The following KSR2 variants were observed in gnomAD, a reference collection of about 807,000 sequenced individuals.
The protein encoded by KSR2 is kinase suppressor of ras 2.
In KSR2, 25 loss-of-function variants were observed where a neutral mutation model predicts 107.8. The ratio of observed to expected loss-of-function variants is 0.23; its 90% CI spans 0.17 to 0.32. The LOEUF is 0.32. KSR2 is among the 10% of genes least tolerant of loss of function. The pLI is 1.00. For synonymous variants in KSR2, 480 were observed against 507.0 expected (o/e 0.95, Z 0.71); for missense variants, 887 against 1,268.9 (o/e 0.70, Z 4.57).
At chr12:117,553,822 C>T (rs542484423) in intron 9 of KSR2, among the ~76,000 whole-genome samples, 1 of 151,638 alleles carries the variant, frequency 6.6e-6, no homozygotes, top group African/African-American at 2.4e-5. Context: ...CTTCCTTCCC[C>T]TCCTCTCCCC....
At chr12:117,790,697 G>C (rs1890224073) in intron 3 of KSR2, among the ~76,000 whole-genome samples, 1 of 152,164 alleles carries the variant, frequency 6.6e-6, no homozygotes, top group African/African-American at 2.4e-5. Flanking sequence ...TTGCCAGCTT[G>C]ACTTTTGCCT....
Position 117,476,453 on chromosome 12 carries a change from G to A in KSR2, c.2582+11C>T. ...CTGTGGCTCTCAATGGCCAGGGCAG[G>A]GCCCACTTACCCAAGGGCAAAGACG... On this transcript the variant is annotated intron_variant, in intron 17 of 19. Coordinates refer to ENST00000339824, the MANE Select transcript of KSR2 (RefSeq NM_173598.6). 2 of 1,588,990 alleles carry A rather than the reference G, an allele frequency of 1.3e-6. No individual in the cohort carries two copies. Among genetic ancestry groups the A allele is most frequent in the Non-Finnish European group, 1.7e-6 (2 of 1,167,240 alleles).
chr12:117,540,030 G>T, intron 9 of KSR2, 143 bp from the exon 10 acceptor site: 1 of 653,614 alleles, frequency 1.5e-6, no homozygotes, highest in Non-Finnish European at 2.5e-6. Context: ...TCCTTCCGAA[G>T]TCCCTCCCGC....
chr12:117,639,176 A>C (rs1883243639), intron 5 of KSR2, among the ~76,000 whole-genome samples: 1 of 152,134 alleles, frequency 6.6e-6, no homozygotes, highest in Non-Finnish European at 1.5e-5. Flanking sequence ...TTTTGCATCC[A>C]AGGCAAGCCT....
At chr12:117,569,850 CTGTT>C (rs1215298037) in intron 7 of KSR2, among the ~76,000 whole-genome samples, 2 of 152,290 alleles carry the variant, frequency 1.3e-5, no homozygotes, top group Admixed American at 6.5e-5. Context: ...TATAAGTTGA[CTGTT>C]TGAGTAATGA....
chr12:117,612,402 C>CAA (rs11436103), intron 5 of KSR2, among the ~76,000 whole-genome samples: 20 of 123,830 alleles, frequency 1.6e-4, no homozygotes, highest in African/African-American at 4.5e-4. Flanking sequence ...GTCTCCGTCT[C>CAA]AAAAACAAAA....
At chr12:117,612,883 T>C (rs1200687559) in intron 5 of KSR2, among the ~76,000 whole-genome samples, 3 of 152,302 alleles carry the variant, frequency 2.0e-5, no homozygotes. Flanking sequence ...GTTTTTTAAG[T>C]GGCAGTTCCC....
chr12:117,760,945 G>C (rs1888979907), intron 4 of KSR2, 66 bp downstream of exon 4: 2 of 1,595,418 alleles, frequency 1.3e-6, no homozygotes, highest in African/African-American at 1.3e-5. Context: ...CAGTTCCTGG[G>C]ACCAAGGGGC....
chr12:117,569,771 C>A, intron 7 of KSR2, among the ~76,000 whole-genome samples: 1 of 152,046 alleles, frequency 6.6e-6, no homozygotes, highest in East Asian at 1.9e-4. Context: ...GCCTATATCA[C>A]CCTATAACTA....
chr12:117,916,963 A>G (rs1454742463), intron 1 of KSR2, among the ~76,000 whole-genome samples: 5 of 152,218 alleles, frequency 3.3e-5, no homozygotes, highest in African/African-American at 7.2e-5. Context: ...GGGTTTGTAC[A>G]TGGGTTTTCA....
chr12:117,814,316 A>T (rs866503982), intron 3 of KSR2, among the ~76,000 whole-genome samples: 1 of 152,198 alleles, frequency 6.6e-6, no homozygotes. Context: ...GAATATGGTA[A>T]TTACCCTAAC....
chr12:117,869,756 A>G (rs572120288), intron 1 of KSR2, among the ~76,000 whole-genome samples: 1 of 152,276 alleles, frequency 6.6e-6, no homozygotes, highest in South Asian at 2.1e-4. Context: ...AAAGCCCATG[A>G]TGTGAGCAGT....
chr12:117,820,257 G>A (rs504138), intron 3 of KSR2, among the ~76,000 whole-genome samples: 32,791 of 151,968 alleles, frequency 0.22, 3,802 homozygotes, highest in Admixed American at 0.29. Flanking sequence ...ACCTCCCTGC[G>A]ATCTCTTCTA....
chr12:117,787,143 C>T (rs1331702472), intron 3 of KSR2, among the ~76,000 whole-genome samples: 1 of 152,170 alleles, frequency 6.6e-6, no homozygotes, highest in African/African-American at 2.4e-5. Flanking sequence ...TGCCTGTCCA[C>T]TCAGCACAAG....
At chr12:117,900,433 A>G (rs1894646850) in intron 1 of KSR2, among the ~76,000 whole-genome samples, 1 of 152,232 alleles carries the variant, frequency 6.6e-6, no homozygotes, top group African/African-American at 2.4e-5. Context: ...TGGGTCCTCA[A>G]AGAACATTAG....
intron 18 of KSR2, among the ~76,000 whole-genome samples, chr12:117,470,503 G>A (rs573461356): frequency 1.3e-5 from 2 of 152,218 alleles, no homozygotes; most frequent in South Asian, 4.2e-4. Context: ...AATACACTGA[G>A]GTCAACAATA....
rs749739722 is a variant in KSR2 at position 117,527,056 on chromosome 12, C to T, written c.1851+15G>A. On this transcript the variant is annotated intron_variant, in intron 13 of 19. Coordinates refer to ENST00000339824, the MANE Select transcript of KSR2 (RefSeq NM_173598.6). ...GTCCCTGGAAAATGTCGCTTCACTG[C>T]TCTCTGATTCTCACCTCCGACGTTG... 13 of 1,612,458 alleles carry T rather than the reference C, an allele frequency of 8.1e-6. No homozygotes were observed. The South Asian group carries it at 1.3e-4, about 16-fold the overall frequency.
At chr12:117,781,283 G>T (rs1566011416) in intron 3 of KSR2, among the ~76,000 whole-genome samples, 1 of 152,304 alleles carries the variant, frequency 6.6e-6, no homozygotes, top group South Asian at 2.1e-4. Flanking sequence ...CCAGTCTCAG[G>T]TATGTCTTTA....
intron 19 of KSR2, among the ~76,000 whole-genome samples, chr12:117,468,361 C>G (rs563951893): frequency 3.3e-4 from 50 of 152,300 alleles, no homozygotes; most frequent in African/African-American, 1.1e-3. Context: ...AGTGATGTGC[C>G]CCAGGCCACA....
Sources: gnomAD v4.1 joint callset for allele counts (sites outside exome capture counted in the v4.1 genomes callset) on GRCh38, gnomAD v4.1.1 for gene constraint, MANE v1.5 for transcripts, NCBI Gene and HGNC (gene_info 2026-07-23, HGNC 2026-07-21) for gene names.